Variants in PRKAR1A observed in about 807,000 individuals in gnomAD.
PRKAR1A encodes the protein cAMP-dependent protein kinase type I-alpha regulatory subunit.
PRKAR1A carries 3 observed loss-of-function variants against 52.0 expected under a neutral mutation model. The observed-to-expected ratio is 0.06, with a 90% CI of 0.03 to 0.15. The LOEUF (loss-of-function observed/expected upper bound fraction) is 0.15, where lower values mean the gene tolerates loss of function less well. Ranked by LOEUF, PRKAR1A falls within the 10% of genes least tolerant of loss-of-function variation. The probability of loss-of-function intolerance (pLI) is 1.00; values close to 1 mark genes in which losing one functional copy is unlikely to be tolerated. For missense variants in PRKAR1A, 240 were observed against 477.4 expected, an observed-to-expected ratio of 0.50 and a Z score of 4.63; for synonymous variants, 188 against 168.4, an observed-to-expected ratio of 1.12 and a Z score of -0.90.
At chr17:68,491,427 C>T in the PRKAR1A span, among the ~76,000 whole-genome samples, 1 of 152,148 alleles carries the variant, frequency 6.6e-6, no homozygotes, top group African/African-American at 2.4e-5. Flanking sequence ...GCCTAGTTCC[C>T]ATGTTCTTCA....
chr17:68,486,506 C>CTTCCTTCT, the PRKAR1A span, among the ~76,000 whole-genome samples: 129 of 48,132 alleles, frequency 2.7e-3, no homozygotes, highest in African/African-American at 2.7e-3. Context: ...TCCTTCCTTC[C>CTTCCTTCT]TTCTTTCTTT....
the PRKAR1A span, among the ~76,000 whole-genome samples, chr17:68,444,996 C>T: frequency 7.4e-5 from 11 of 148,226 alleles, no homozygotes; most frequent in Non-Finnish European, 1.3e-4. Context: ...TCTCAGCTCA[C>T]TGCAACCTCT....
chr17:68,462,448 C>T, the PRKAR1A span, among the ~76,000 whole-genome samples: 82 of 152,226 alleles, frequency 5.4e-4, no homozygotes, highest in African/African-American at 1.9e-3. Context: ...AATCACCCTG[C>T]CTTAAATTTT....
intron 11 of PRKAR1A, among the ~76,000 whole-genome samples, chr17:68,543,119 C>T (rs1304696427): frequency 2.0e-5 from 3 of 152,114 alleles, no homozygotes; most frequent in Non-Finnish European, 4.4e-5. Context: ...TGTGAGTCAC[C>T]TGGCAATCTT....
the PRKAR1A span, among the ~76,000 whole-genome samples, chr17:68,464,179 T>C: frequency 6.6e-6 from 1 of 152,186 alleles, no homozygotes; most frequent in African/African-American, 2.4e-5. Flanking sequence ...TTGGCATATC[T>C]AATCCTTTCT....
the PRKAR1A span, among the ~76,000 whole-genome samples, chr17:68,481,854 G>A: frequency 1.9e-3 from 284 of 152,336 alleles, 5 homozygotes; most frequent in East Asian, 0.035. Context: ...CTTCTCGGAT[G>A]GATGGAACTT....
chr17:68,478,124 T>C, the PRKAR1A span, among the ~76,000 whole-genome samples: 1 of 152,228 alleles, frequency 6.6e-6, no homozygotes, highest in African/African-American at 2.4e-5. Context: ...ACATGTTCTT[T>C]GATATTTTGG....
the PRKAR1A span, among the ~76,000 whole-genome samples, chr17:68,438,427 T>C: frequency 1.3e-5 from 2 of 152,134 alleles, no homozygotes; most frequent in African/African-American, 4.8e-5. Context: ...CTTGTGAAAC[T>C]GGGGAGGGAA....
At chr17:68,447,231 A>G in the PRKAR1A span, among the ~76,000 whole-genome samples, 16 of 152,234 alleles carry the variant, frequency 1.1e-4, no homozygotes, top group Admixed American at 1.0e-3. Flanking sequence ...AGGAGACTGC[A>G]AAAGAACTGT....
At chr17:68,431,142 G>T in the PRKAR1A span, among the ~76,000 whole-genome samples, 1 of 152,176 alleles carries the variant, frequency 6.6e-6, no homozygotes, top group African/African-American at 2.4e-5. Flanking sequence ...CTGCATTCCA[G>T]ATTGAGAGAG....
chr17:68,532,839 G>A lies in PRKAR1A; in HGVS notation c.*2390G>A, dbSNP rs2086014756. 2.9e-5 allele frequency: 31 copies of A among 1,066,272 alleles called. No individual in the cohort carries two copies. The highest frequency in any genetic ancestry group is 4.2e-4 in the Middle Eastern group (1 of 2,400). The allele number at this position is 1,066,272 out of a possible 1,614,324, so 66.1% of individuals were successfully genotyped here. A position where few individuals can be genotyped will look rare whatever the true frequency, so the allele number is the denominator to read the frequency against. On this transcript the variant is annotated 3_prime_UTR_variant, in exon 11 of 11. Transcript: ENST00000589228. ...TCTGTCCTTCCCCGAAAGTCTACTCGGGTGGGCAAAAATGAAAAGGGGGAA... is the reference window on the plus strand; with the variant it reads ...TCTGTCCTTCCCCGAAAGTCTACTCAGGTGGGCAAAAATGAAAAGGGGGAA...
the PRKAR1A span, among the ~76,000 whole-genome samples, chr17:68,503,957 C>A: frequency 6.6e-6 from 1 of 152,164 alleles, no homozygotes; most frequent in Non-Finnish European, 1.5e-5. Context: ...TCAATTAGTA[C>A]AACCACTAGG....
At chr17:68,433,760 GTTTTTTTTTTTTTTTTTTTTTT>G in the PRKAR1A span, among the ~76,000 whole-genome samples, 5 of 72,812 alleles carry the variant, frequency 6.9e-5, no homozygotes, top group Admixed American at 7.2e-4. Flanking sequence ...AAGGGTCATA[GTTTTTTTTTTTTTTTTTTTTTT>G]TTTTTTTTTT....
chr17:68,466,920 C>A, the PRKAR1A span, among the ~76,000 whole-genome samples: 2 of 152,256 alleles, frequency 1.3e-5, no homozygotes, highest in African/African-American at 4.8e-5. Context: ...CAGCTACTAC[C>A]CATCCCTCCT....
chr17:68,494,659 T>C, the PRKAR1A span, among the ~76,000 whole-genome samples: 6 of 152,296 alleles, frequency 3.9e-5, 1 homozygote, highest in Admixed American at 3.9e-4. Context: ...CTGGTAGCCC[T>C]GACCACTGTG....
At chr17:68,455,155 A>C in the PRKAR1A span, among the ~76,000 whole-genome samples, 1 of 152,142 alleles carries the variant, frequency 6.6e-6, no homozygotes, top group Non-Finnish European at 1.5e-5. Context: ...TGAGGTCAGG[A>C]GTTCAAGACC....
chr17:68,541,912 A>G lies in PRKAR1A; in HGVS notation c.974-9172A>G, dbSNP rs1455405429. On this transcript the variant is annotated intron_variant, in intron 11 of 11. Transcript: ENST00000585981. Reference sequence around the variant, plus strand: ...GCTTTTCAGATTCAAAAGCCAAGCTAGCAACAAGTCCCTGGTACAGGGTCT... The same window carrying G: ...GCTTTTCAGATTCAAAAGCCAAGCTGGCAACAAGTCCCTGGTACAGGGTCT... 3.3e-6 allele frequency: 5 copies of G among 1,522,166 alleles called. No homozygotes were observed. The Admixed American group carries it at 6.1e-5, about 19-fold the overall frequency. The allele number at this position is 1,522,166 out of a possible 1,614,324, so 94.3% of individuals were successfully genotyped here. A position where few individuals can be genotyped will look rare whatever the true frequency, so the allele number is the denominator to read the frequency against.
At chr17:68,537,293 C>G (rs775273366), downstream of PRKAR1A, 7 of 796,550 alleles carry the variant, frequency 8.8e-6, no homozygotes, top group East Asian at 1.1e-4. The surrounding 1 kb of genome is among the most constrained non-coding windows in gnomAD (Gnocchi z 4.2). Flanking sequence ...ACGACAGAAG[C>G]GGTGCACCAA....
chr17:68,472,485 G>A, the PRKAR1A span, among the ~76,000 whole-genome samples: 2 of 151,970 alleles, frequency 1.3e-5, no homozygotes, highest in African/African-American at 2.4e-5. Context: ...GGAAACGTAG[G>A]GTTTCCTGTC....
Sources: gnomAD v4.1 joint callset for allele counts (sites outside exome capture counted in the v4.1 genomes callset) on GRCh38, gnomAD v4.1.1 for gene constraint, Gnocchi (gnomAD v3.1) non-coding constraint, MANE v1.5 for transcripts, NCBI Gene and HGNC (gene_info 2026-07-23, HGNC 2026-07-21) for gene names.